The following ZNF84 variants were observed in gnomAD, a reference collection of about 807,000 sequenced individuals.
ZNF84 encodes zinc finger protein HPF2.
Under a neutral mutation model 14.8 loss-of-function variants are expected in ZNF84, and 12 were observed. The ratio of observed to expected loss-of-function variants is 0.81; its 90% CI spans 0.52 to 1.31. The LOEUF is 1.31. Among genes scored for constraint, ZNF84 ranks in the 50% most tolerant of loss-of-function variants. ZNF84 has a pLI of 0.00. For synonymous variants in ZNF84, 347 were observed against 291.1 expected (o/e 1.19, Z -1.96); for missense variants, 859 against 878.6 (o/e 0.98, Z 0.28).
intron 2 of ZNF84, among the ~76,000 whole-genome samples, chr12:133,041,695 A>G (rs2137328738): frequency 6.6e-6 from 1 of 152,354 alleles, no homozygotes; most frequent in Admixed American, 6.5e-5. Flanking sequence ...TAAAGCCATA[A>G]CATCTTACAT....
intron 4 of ZNF84, among the ~76,000 whole-genome samples, chr12:133,051,798 TC>T (rs1366076137): frequency 2.0e-5 from 3 of 152,136 alleles, no homozygotes; most frequent in African/African-American, 4.8e-5. Flanking sequence ...GTAGGGACGT[TC>T]CTGAAACCCA....
At chr12:133,049,424 T>G (rs1269925225) in intron 4 of ZNF84, among the ~76,000 whole-genome samples, 2 of 152,116 alleles carry the variant, frequency 1.3e-5, no homozygotes, top group Non-Finnish European at 2.9e-5. Flanking sequence ...TTAAGTTCCT[T>G]TGTGTTTTTT....
At chr12:133,047,906 A>G (rs1954009578) in intron 2 of ZNF84, 49 bp from the exon 3 acceptor site, 1 of 1,602,098 alleles carries the variant, frequency 6.2e-7, no homozygotes, top group Admixed American at 1.7e-5. Context: ...TTTTTCTCAC[A>G]TCATACGGTG....
chr12:133,039,140 C>G (rs1370845793), intron 1 of ZNF84: 1 of 151,990 alleles, frequency 6.6e-6, no homozygotes, highest in Non-Finnish European at 1.5e-5. Flanking sequence ...AGCTTTTGTT[C>G]TAAGATTTAT....
At chr12:133,054,762 T>A (rs1954125406) in intron 4 of ZNF84, among the ~76,000 whole-genome samples, 1 of 152,114 alleles carries the variant, frequency 6.6e-6, no homozygotes. Flanking sequence ...TAAATTTAAT[T>A]TTTCTTTTTC....
chr12:133,050,257 C>G (rs1954049167), intron 4 of ZNF84, among the ~76,000 whole-genome samples: 1 of 152,202 alleles, frequency 6.6e-6, no homozygotes, highest in African/African-American at 2.4e-5. Context: ...CTCTGAGGCA[C>G]TGTGAGAATA....
Position 133,058,810 on chromosome 12 carries a change from G to A in ZNF84, c.2095G>A (p.Val699Ile). The change falls in exon 5 of 5, where the codon GTT becomes ATT. Residue 699 changes from valine to isoleucine, a missense_variant. Val to Ile is a conservative substitution (Grantham distance 29). Coordinates refer to ENST00000539354, the MANE Select transcript of ZNF84 (RefSeq NM_001289971.2). ...RKAFSQKSQL[V>I]NHQRIHTGEK... Reference sequence around the variant, plus strand: ...GGCCTTCTCTCAGAAGTCACAGCTGGTTAATCATCAGAGAATTCATACAGG... The same window carrying A: ...GGCCTTCTCTCAGAAGTCACAGCTGATTAATCATCAGAGAATTCATACAGG... 6.2e-7 allele frequency: 1 copy of A among 1,613,568 alleles called. No homozygotes were observed. Among genetic ancestry groups the A allele is most frequent in the Non-Finnish European group, 8.5e-7 (1 of 1,179,894 alleles).
At chr12:133,040,085 A>C (rs1402620018) in intron 1 of ZNF84, among the ~76,000 whole-genome samples, 3 of 151,830 alleles carry the variant, frequency 2.0e-5, no homozygotes, top group Non-Finnish European at 2.9e-5. Flanking sequence ...CAGGTGATCC[A>C]TCTGCCTTGG....
At position 133,058,907 on chromosome 12, in the gene ZNF84, GAACTCATACAGTA is replaced by G; in HGVS notation, c.2195_2207del (p.Thr732LysfsTer12). On this transcript the variant is annotated frameshift_variant, in exon 5 of 5. Transcript: ENST00000539354. LOFTEE classifies it high-confidence loss of function. ...AAGTCACAGCTCATCAATCATCAGA[GAACTCATACAGTA>G]AAAAAATCCTAGGAATACAGTTAAT... The G allele has an allele frequency of 1.9e-6, 3 of 1,607,118 alleles. No individual in the cohort carries two copies. Among genetic ancestry groups the G allele is most frequent in the Non-Finnish European group, 2.5e-6 (3 of 1,177,054 alleles).
intron 2 of ZNF84, among the ~76,000 whole-genome samples, chr12:133,044,896 A>ATT (rs1953952247): frequency 3.3e-5 from 5 of 151,936 alleles, no homozygotes; most frequent in Admixed American, 6.6e-5. Flanking sequence ...CCTGGGCAAC[A>ATT]GAGCAAGACT....
chr12:133,056,367 C>T (rs1954157901), intron 4 of ZNF84, among the ~76,000 whole-genome samples: 1 of 152,126 alleles, frequency 6.6e-6, no homozygotes, highest in Non-Finnish European at 1.5e-5. Flanking sequence ...CGTTCTCCTG[C>T]CTCAGCCTCC....
chr12:133,041,603 A>G (rs1415158567), intron 2 of ZNF84, 121 bp downstream of exon 2: 3 of 1,035,890 alleles, frequency 2.9e-6, no homozygotes, highest in Non-Finnish European at 4.5e-6. Flanking sequence ...TCAGATGATC[A>G]GGATTGGAAC....
chr12:133,047,961 T>G lies in ZNF84; in HGVS notation c.22T>G (p.Phe8Val). 6.2e-7 allele frequency: 1 copy of G among 1,613,958 alleles called. No individual in the cohort carries two copies. Among genetic ancestry groups the G allele is most frequent in the Non-Finnish European group, 8.5e-7 (1 of 1,179,888 alleles). The change falls in exon 3 of 5, where the codon TTC (phenylalanine) becomes GTC (valine). Residue 8 changes from phenylalanine (F) to valine (V), a missense_variant. Transcript: ENST00000539354. ...CAGGATTGTGCTCTTACAGGAGTCA[T>G]TCTCATTTGACGATTTATCTGTGGA... Reference protein sequence around the residue: MTMLQESFSFDDLSVDFT... With the variant: MTMLQESVSFDDLSVDFT...
Position 133,057,569 on chromosome 12 carries a change from A to T in ZNF84, c.854A>T (p.His285Leu). ...CAGCTCACATCCCATCAGCGGACAC[A>T]TACAGGAGAGAAACCTTATGAGTGT... ...KSQLTSHQRT[H>L]TGEKPYECGE... The change falls in exon 5 of 5, where the codon CAT (histidine) becomes CTT (leucine). Residue 285 changes from histidine to leucine, a missense_variant. By Grantham distance (99) the His-to-Leu change is moderately conservative. Transcript: ENST00000539354. 6.2e-7 allele frequency: 1 copy of T among 1,614,236 alleles called. No homozygotes were observed. Among genetic ancestry groups the T allele is most frequent in the Non-Finnish European group, 8.5e-7 (1 of 1,180,038 alleles).
rs1954189236 is a variant in ZNF84 at position 133,057,879 on chromosome 12, A to G, written c.1164A>G (p.Ser388=). 11 of 1,613,582 alleles carry G rather than the reference A, an allele frequency of 6.8e-6. No individual in the cohort carries two copies. Among genetic ancestry groups the G allele is most frequent in the Non-Finnish European group, 4.2e-6 (5 of 1,179,650 alleles). The change falls in exon 5 of 5, where the codon TCA becomes TCG. Residue 388 remains serine (S), a synonymous_variant. Transcript: ENST00000539354. ...GTAGAAAAGCATTCTTTGAGAAGTCAGAGCTTATTAGACATCAGACAATTC... is the reference window on the plus strand; with the variant it reads ...GTAGAAAAGCATTCTTTGAGAAGTCGGAGCTTATTAGACATCAGACAATTC... ...SDCRKAFFEK[S]ELIRHQTIHT...
In ZNF84 at chr12:133,062,963, A is replaced by G. The variant is rs1954288863; in HGVS notation, c.*4031A>G. The G allele has an allele frequency of 6.4e-6, 4 of 625,578 alleles. No individual in the cohort carries two copies. Among genetic ancestry groups the G allele is most frequent in the Non-Finnish European group, 1.1e-5 (4 of 350,368 alleles). The allele number at this position is 625,578 out of a possible 1,614,324, so 38.8% of individuals were successfully genotyped here. On this transcript the variant is annotated 3_prime_UTR_variant, in exon 5 of 5. Transcript: ENST00000539354. The stretch of plus-strand genomic sequence containing the variant: ...ACCTGTACGTGTGTTTCTCACTGTG[A>G]TAATATAATCATTGCATGTTTTATC...
rs1954289235 is a variant in ZNF84 at position 133,062,995 on chromosome 12, ACTAGAAAGCTT to A, written c.*4074_*4084del. The A allele has an allele frequency of 4.6e-6, 3 of 656,054 alleles. No homozygotes were observed. The highest frequency in any genetic ancestry group is 2.3e-5 in the Admixed American group (1 of 43,164). 40.6% of individuals were successfully genotyped at this position (656,054 alleles called of 1,614,324 possible). The stretch of plus-strand genomic sequence containing the variant: ...AATCATTGCATGTTTTATCTTTCCC[ACTAGAAAGCTT>A]CTAGAAAGCTAGTACTATCTTTTTT... On this transcript the variant is annotated 3_prime_UTR_variant, in exon 5 of 5. Transcript: ENST00000539354.
intron 1 of ZNF84, among the ~76,000 whole-genome samples, chr12:133,040,241 A>G (rs1381576938): frequency 2.0e-5 from 3 of 152,102 alleles, no homozygotes; most frequent in South Asian, 2.1e-4. Context: ...GTAGTTGACC[A>G]GATGATAACA....
At position 133,062,414 on chromosome 12, in the gene ZNF84, A is replaced by G. The variant is rs1287200972; in HGVS notation, c.*3482A>G. 2 of 152,266 alleles carry G rather than the reference A, an allele frequency of 1.3e-5. No homozygotes were observed. The highest frequency in any genetic ancestry group is 4.8e-5 in the African/African-American group (2 of 41,464). 9.4% of individuals were successfully genotyped at this position (152,266 alleles called of 1,614,324 possible). On this transcript the variant is annotated 3_prime_UTR_variant, in exon 5 of 5. Transcript: ENST00000539354. ...GTAACTTTCTAGCAAAATCTACAGC[A>G]GTAGGCATTTGGAATCTGCATTTGA...
Sources: allele counts gnomAD v4.1 joint callset (sites outside exome capture counted in the v4.1 genomes callset), GRCh38; gene constraint gnomAD v4.1.1; transcripts MANE v1.5; gene names NCBI Gene and HGNC (gene_info 2026-07-23, HGNC 2026-07-21).